The following DCP2 variants were observed in gnomAD, a reference collection of about 807,000 sequenced individuals.
DCP2 encodes the protein m7GpppN-mRNA hydrolase.
In DCP2, 30 loss-of-function variants were observed where a neutral mutation model predicts 56.1. That is an observed-to-expected ratio of 0.53 (90% CI 0.40 to 0.73). DCP2 has a LOEUF of 0.73. Among genes scored for constraint, DCP2 ranks in the 30% least tolerant of loss-of-function variants. The pLI is 0.00. For missense variants in DCP2, 533 were observed against 502.7 expected, an observed-to-expected ratio of 1.06 and a Z score of -0.58; for synonymous variants, 197 against 163.3, an observed-to-expected ratio of 1.21 and a Z score of -1.57.
intron 4 of DCP2, among the ~76,000 whole-genome samples, chr5:112,998,579 A>G (rs1158656368): frequency 1.3e-5 from 2 of 152,250 alleles, no homozygotes; most frequent in Non-Finnish European, 2.9e-5. Flanking sequence ...TACTAAGCAC[A>G]AAGTACATAG....
chr5:113,002,647 G>A (rs11241189), intron 7 of DCP2, among the ~76,000 whole-genome samples: 26 of 152,130 alleles, frequency 1.7e-4, no homozygotes, highest in Non-Finnish European at 3.2e-4. Flanking sequence ...AGTTTCCTGA[G>A]TCACTGGGAA....
intron 2 of DCP2, among the ~76,000 whole-genome samples, chr5:112,989,310 T>A (rs1748461915): frequency 6.6e-6 from 1 of 152,160 alleles, no homozygotes; most frequent in African/African-American, 2.4e-5. Context: ...CTGACAAAGT[T>A]ATTAATAGTG....
intron 8 of DCP2, among the ~76,000 whole-genome samples, 178 bp downstream of exon 8, chr5:113,004,255 C>G (rs192447661): frequency 6.6e-6 from 1 of 152,142 alleles, no homozygotes; most frequent in South Asian, 2.1e-4. Context: ...TTTACAGTTC[C>G]GGTGTAAATC....
At position 113,000,993 on chromosome 5, in the gene DCP2, T is replaced by C. The variant is rs114011393; in HGVS notation, c.433-91T>C. On this transcript the variant is annotated intron_variant, in intron 4 of 10. Transcript: ENST00000389063. ...AATAGTAAATACAAGTCATGTCCCC[T>C]TTTTCTGAGTTTTTGTCTTGGGAAT... is the stretch of plus-strand genomic sequence containing the variant. 2,176 of 1,252,900 alleles carry C rather than the reference T, an allele frequency of 1.7e-3. 42 individuals carry two copies. In the African/African-American group the frequency reaches 0.03, roughly 17 times the overall value. The allele number at this position is 1,252,900 out of a possible 1,614,324, so 77.6% of individuals were successfully genotyped here. A position where few individuals can be genotyped will look rare whatever the true frequency, so the allele number is the denominator to read the frequency against.
In DCP2 at chr5:113,019,227, A is replaced by G. The variant is rs1366810447; in HGVS notation, c.*5743A>G. ...CTTTTGTGATACTTAGGAAAAGACT[A>G]TGGATGGCAGCAAATGAAAGTAAAG... is the stretch of plus-strand genomic sequence containing the variant. On this transcript the variant is annotated 3_prime_UTR_variant, in exon 11 of 11. Transcript: ENST00000389063. 6.6e-6 allele frequency: 1 copy of G among 152,252 alleles called. No homozygotes were observed. The highest frequency in any genetic ancestry group is 1.5e-5 in the Non-Finnish European group (1 of 68,040). The allele number at this position is 152,252 out of a possible 1,614,324, so 9.4% of individuals were successfully genotyped here. A position where few individuals can be genotyped will look rare whatever the true frequency, so the allele number is the denominator to read the frequency against.
At chr5:112,987,225 A>G (rs1219432658) in intron 2 of DCP2, among the ~76,000 whole-genome samples, 4 of 152,218 alleles carry the variant, frequency 2.6e-5, no homozygotes, top group Non-Finnish European at 5.9e-5. Context: ...AGGGAAAGCT[A>G]TATTTTTGAG....
At chr5:112,997,317 G>T (rs79884554) in intron 4 of DCP2, among the ~76,000 whole-genome samples, 2,558 of 152,242 alleles carry the variant, frequency 0.017, 73 homozygotes, top group African/African-American at 0.059. Flanking sequence ...TTGTATTTTT[G>T]TTGTGATTTG....
Position 113,016,955 on chromosome 5 carries a change from C to T in DCP2, c.*3471C>T, listed in dbSNP as rs1444357560. The T allele has an allele frequency of 6.6e-6, 1 of 151,126 alleles. No individual in the cohort carries two copies. Among genetic ancestry groups the T allele is most frequent in the African/African-American group, 2.4e-5 (1 of 41,064 alleles). The allele number at this position is 151,126 out of a possible 1,614,324, so 9.4% of individuals were successfully genotyped here. A position where few individuals can be genotyped will look rare whatever the true frequency, so the allele number is the denominator to read the frequency against. On this transcript the variant is annotated 3_prime_UTR_variant, in exon 11 of 11. Transcript: ENST00000389063. ...CTCCCGGGTTCAAGTGATTCTCCTGCCTCAGCCTCCCAAGTAGCTGGGATT... is the reference window on the plus strand; with the variant it reads ...CTCCCGGGTTCAAGTGATTCTCCTGTCTCAGCCTCCCAAGTAGCTGGGATT...
intron 4 of DCP2, among the ~76,000 whole-genome samples, chr5:112,999,323 C>G (rs1350736014): frequency 6.6e-6 from 1 of 151,604 alleles, no homozygotes; most frequent in Non-Finnish European, 1.5e-5. Flanking sequence ...CTTTTTAAAC[C>G]TTTTTCTGTT....
intron 4 of DCP2, among the ~76,000 whole-genome samples, chr5:113,000,250 G>T (rs1749092570): frequency 6.6e-6 from 1 of 150,658 alleles, no homozygotes; most frequent in African/African-American, 2.5e-5. Flanking sequence ...GAGCCACTGT[G>T]CCCAGTCCTG....
At chr5:112,989,428 C>CA (rs374024550) in intron 2 of DCP2, among the ~76,000 whole-genome samples, 6,978 of 134,936 alleles carry the variant, frequency 0.052, 241 homozygotes, top group African/African-American at 0.11. Flanking sequence ...ACTATTACTC[C>CA]AAAAAAAAAA....
At position 112,992,851 on chromosome 5, in the gene DCP2, C is replaced by G. The variant is rs1248556786; in HGVS notation, c.432+81C>G. 6.7e-6 allele frequency: 7 copies of G among 1,041,344 alleles called. No homozygotes were observed. In the South Asian group the frequency reaches 1.3e-4, roughly 20 times the overall value. 64.5% of individuals were successfully genotyped at this position (1,041,344 alleles called of 1,614,324 possible). On this transcript the variant is annotated intron_variant, in intron 4 of 10. Coordinates refer to ENST00000389063, the MANE Select transcript of DCP2 (RefSeq NM_152624.6). Reference sequence around the variant, plus strand: ...TTTTTTTAGCCATATAGACTTACTTCTTTGGACTGTCTTAACCCTTTCCAG... The same window carrying G: ...TTTTTTTAGCCATATAGACTTACTTGTTTGGACTGTCTTAACCCTTTCCAG...
rs1749298266 is a variant in DCP2 at position 113,003,958 on chromosome 5, C to G, written c.823C>G (p.His275Asp). ...TTGGTGTAGTCGAACCAAATTCCGC[C>G]ACAGTCAGCAGTTATTTCCTGACGG... ...VEKLSRTKFR[H>D]SQQLFPDGSP... is the part of the protein sequence containing the mutation. Residue 275 changes from histidine (H) to aspartate (D), a missense_variant, in exon 8 of 11, where the codon CAC becomes GAC. This residue lies in a region of DCP2 where 392 missense variants were observed against 346.6 expected (regional missense o/e 1.13). Transcript: ENST00000389063. 1 of 1,613,876 alleles carries G rather than the reference C, an allele frequency of 6.2e-7. No homozygotes were observed. Among genetic ancestry groups the G allele is most frequent in the African/African-American group, 1.3e-5 (1 of 74,880 alleles).
Position 112,976,887 on chromosome 5 carries a change from C to G in DCP2, c.-47C>G. On this transcript the variant is annotated 5_prime_UTR_variant, in exon 1 of 11. Coordinates refer to ENST00000389063, the MANE Select transcript of DCP2 (RefSeq NM_152624.6). The stretch of plus-strand genomic sequence containing the variant: ...GTCCTAGTGCCGTACCGTCAGTCCC[C>G]GGCCGCGCGGAGCCGGGATGCACTG... The G allele has an allele frequency of 6.2e-7, 1 of 1,606,506 alleles. No homozygotes were observed. The highest frequency in any genetic ancestry group is 8.5e-7 in the Non-Finnish European group (1 of 1,173,042).
At chr5:112,996,599 CAG>C (rs1748867758) in intron 4 of DCP2, among the ~76,000 whole-genome samples, 1 of 152,162 alleles carries the variant, frequency 6.6e-6, no homozygotes, top group Non-Finnish European at 1.5e-5. Flanking sequence ...CATCCTCAAA[CAG>C]GGAAGGGTCT....
intron 7 of DCP2, 150 bp from the exon 8 acceptor site, chr5:113,003,792 A>T (rs1749289856): frequency 1.2e-6 from 1 of 858,382 alleles, no homozygotes; most frequent in Non-Finnish European, 1.8e-6. Context: ...AGTGCAGATT[A>T]AAATCTCTGC....
At chr5:112,984,781 T>C (rs1022566632) in intron 1 of DCP2, 3 of 146,256 alleles carry the variant, frequency 2.1e-5, no homozygotes, top group Non-Finnish European at 4.5e-5. Context: ...CATAGCCCAC[T>C]GCAGCCTTGA....
At chr5:112,999,151 C>T (rs1193993556) in intron 4 of DCP2, among the ~76,000 whole-genome samples, 3 of 152,088 alleles carry the variant, frequency 2.0e-5, no homozygotes, top group African/African-American at 7.2e-5. Flanking sequence ...GCTCTGCCCA[C>T]GAGGAATTCA....
At position 113,013,520 on chromosome 5, in the gene DCP2, A is replaced by G. The variant is rs185047058; in HGVS notation, c.*36A>G. On this transcript the variant is annotated 3_prime_UTR_variant, in exon 11 of 11. Transcript: ENST00000389063. ...TGTATTGTAAATGTCCCAGGATCAGAGACCTGTTGAATTTGAGTGGGTGTC... is the reference window on the plus strand; with the variant it reads ...TGTATTGTAAATGTCCCAGGATCAGGGACCTGTTGAATTTGAGTGGGTGTC... 5.6e-5 allele frequency: 90 copies of G among 1,608,590 alleles called. No individual in the cohort carries two copies. The East Asian group carries it at 1.6e-3, about 29-fold the overall frequency.
Sources: gnomAD v4.1 joint callset for allele counts (sites outside exome capture counted in the v4.1 genomes callset) on GRCh38, gnomAD v4.1.1 for gene constraint, gnomAD v4.1.1 regional missense constraint, MANE v1.5 for transcripts, NCBI Gene and HGNC (gene_info 2026-07-23, HGNC 2026-07-21) for gene names.